The following KIT variants were observed in gnomAD, a reference collection of about 807,000 sequenced individuals.
KIT encodes the protein KIT proto-oncogene, receptor tyrosine kinase.
Under a neutral mutation model 105.7 loss-of-function variants are expected in KIT, and 16 were observed. The ratio of observed to expected loss-of-function variants is 0.15; its 90% CI spans 0.10 to 0.23. The LOEUF (loss-of-function observed/expected upper bound fraction) is 0.23, where lower values mean the gene tolerates loss of function less well. Ranked by LOEUF, KIT falls within the 10% of genes least tolerant of loss-of-function variation. The pLI, the probability that KIT is intolerant of heterozygous loss-of-function variation, is 1.00. For missense variants in KIT, 858 were observed against 1,213.8 expected, an observed-to-expected ratio of 0.71 and a Z score of 4.36; for synonymous variants, 438 against 441.1, an observed-to-expected ratio of 0.99 and a Z score of 0.09.
intron 2 of KIT, among the ~76,000 whole-genome samples, chr4:54,697,731 G>A (rs1296430251): frequency 6.6e-6 from 1 of 152,192 alleles, no homozygotes; most frequent in Admixed American, 6.5e-5. Context: ...CCTGGTGAGA[G>A]TTTTCTGGAT....
intron 7 of KIT, among the ~76,000 whole-genome samples, chr4:54,719,988 C>T (rs1424256135): frequency 6.6e-6 from 1 of 152,072 alleles, no homozygotes; most frequent in African/African-American, 2.4e-5. Flanking sequence ...GCAAGAAAGG[C>T]ACCTAGAGTG....
At chr4:54,665,116 C>T (rs964142992) in intron 1 of KIT, among the ~76,000 whole-genome samples, 1 of 152,096 alleles carries the variant, frequency 6.6e-6, no homozygotes, top group Non-Finnish European at 1.5e-5. Context: ...CCAGGTAACT[C>T]GCAAATGCAG....
chr4:54,699,643 G>T lies in KIT; in HGVS notation c.633G>T (p.Val211=). 1.2e-6 allele frequency: 2 copies of T among 1,613,972 alleles called. No individual in the cohort carries two copies. Among genetic ancestry groups the T allele is most frequent in the Non-Finnish European group, 1.7e-6 (2 of 1,179,898 alleles). ...ILKVRPAFKA[V]PVVSVSKASY... is the part of the protein sequence containing the mutation. Reference sequence around the variant, plus strand: ...TTTTCATTCTAGCCTTCAAAGCTGTGCCTGTTGTGTCTGTGTCCAAAGCAA... The same window carrying T: ...TTTTCATTCTAGCCTTCAAAGCTGTTCCTGTTGTGTCTGTGTCCAAAGCAA... Residue 211 remains valine (V), a synonymous_variant, in exon 4 of 21, where the codon GTG becomes GTT. Coordinates refer to ENST00000288135, the MANE Select transcript of KIT (RefSeq NM_000222.3).
At chr4:54,716,069 G>A (rs563807722) in intron 7 of KIT, among the ~76,000 whole-genome samples, 165 of 152,190 alleles carry the variant, frequency 1.1e-3, no homozygotes, top group Admixed American at 2.7e-3. Flanking sequence ...ACACATGCGC[G>A]TCCAAACCAT....
At chr4:54,711,959 T>C (rs1420438770) in intron 7 of KIT, among the ~76,000 whole-genome samples, 1 of 151,208 alleles carries the variant, frequency 6.6e-6, no homozygotes, top group African/African-American at 2.4e-5. Context: ...TAATAGTATA[T>C]AGAGCTTAGT....
At chr4:54,718,518 A>C (rs1476376661) in intron 7 of KIT, among the ~76,000 whole-genome samples, 1 of 152,218 alleles carries the variant, frequency 6.6e-6, no homozygotes, top group Non-Finnish European at 1.5e-5. Flanking sequence ...TTTTATTGAA[A>C]ACAGCCATGC....
At chr4:54,732,549 T>C (rs1216625389) in intron 16 of KIT, among the ~76,000 whole-genome samples, 2 of 152,054 alleles carry the variant, frequency 1.3e-5, no homozygotes, top group Non-Finnish European at 2.9e-5. Context: ...AGGAGTTCCT[T>C]AGGAAGTAAG....
rs146228840 is a variant in KIT, at chr4:54,694,443, C to T, written c.68-1069C>T. 5.3e-5 allele frequency among the ~76,000 whole-genome samples: 8 copies of T among 152,280 alleles called. No individual in the cohort carries two copies. In the East Asian group the frequency reaches 1.5e-3, roughly 29 times the overall value. On this transcript the variant is annotated intron_variant, in intron 1 of 20. Coordinates refer to ENST00000288135, the MANE Select transcript of KIT (RefSeq NM_000222.3). ...CACAGTTTGCTGCAGCCTCAACCTC[C>T]TGGGCTTAAGTGATCTCCCACCTCA...
chr4:54,664,627 G>T (rs1188341771), intron 1 of KIT, among the ~76,000 whole-genome samples: 1 of 141,042 alleles, frequency 7.1e-6, no homozygotes, highest in African/African-American at 2.7e-5. Context: ...ATTTATTTAT[G>T]AGACAGGGTC....
intron 4 of KIT, among the ~76,000 whole-genome samples, chr4:54,703,055 C>T (rs1039249233): frequency 4.6e-5 from 7 of 152,138 alleles, no homozygotes; most frequent in Non-Finnish European, 1.0e-4. Context: ...AGAAATCTCT[C>T]CATGTCTTGT....
chr4:54,702,581 C>G (rs971374462), intron 4 of KIT, among the ~76,000 whole-genome samples: 1 of 152,030 alleles, frequency 6.6e-6, no homozygotes, highest in Non-Finnish European at 1.5e-5. Context: ...TTTTAAGGTA[C>G]ATTCAATTTG....
At chr4:54,716,313 T>C (rs977898592) in intron 7 of KIT, among the ~76,000 whole-genome samples, 9 of 152,240 alleles carry the variant, frequency 5.9e-5, no homozygotes, top group African/African-American at 1.7e-4. Flanking sequence ...CATAGCTTCG[T>C]TTGTGTGAAC....
At chr4:54,732,636 G>T (rs1722680748) in intron 16 of KIT, among the ~76,000 whole-genome samples, 1 of 152,104 alleles carries the variant, frequency 6.6e-6, no homozygotes, top group Admixed American at 6.6e-5. Context: ...ACCAAACTAA[G>T]AAAGGATATA....
At chr4:54,676,953 A>G (rs1347377323) in intron 1 of KIT, among the ~76,000 whole-genome samples, 1 of 152,138 alleles carries the variant, frequency 6.6e-6, no homozygotes, top group Non-Finnish European at 1.5e-5. Context: ...CTCCCAGGGT[A>G]GGTCAGATCA....
At chr4:54,665,385 C>T (rs1157018443) in intron 1 of KIT, among the ~76,000 whole-genome samples, 1 of 152,170 alleles carries the variant, frequency 6.6e-6, no homozygotes, top group African/African-American at 2.4e-5. Context: ...GAGGGTTAAA[C>T]TCATGGCTGC....
chr4:54,677,461 G>A (rs1263806411), intron 1 of KIT, among the ~76,000 whole-genome samples: 2 of 152,174 alleles, frequency 1.3e-5, no homozygotes, highest in African/African-American at 4.8e-5. Flanking sequence ...CTTTGCTTTT[G>A]CAGACATTCA....
intron 2 of KIT, among the ~76,000 whole-genome samples, chr4:54,696,728 C>T (rs1483855577): frequency 6.6e-6 from 1 of 152,232 alleles, no homozygotes; most frequent in Admixed American, 6.5e-5. Flanking sequence ...TAACATGCTC[C>T]ATCAGGAGCG....
chr4:54,676,225 C>A (rs1229753960), intron 1 of KIT, among the ~76,000 whole-genome samples: 1 of 152,088 alleles, frequency 6.6e-6, no homozygotes, highest in Non-Finnish European at 1.5e-5. Context: ...GTTAGAAATG[C>A]AAACTCTCCG....
intron 7 of KIT, 139 bp downstream of exon 7, chr4:54,709,678 G>T: frequency 1.4e-6 from 1 of 705,752 alleles, no homozygotes; most frequent in Non-Finnish European, 2.6e-6. Flanking sequence ...GAGACTTCGT[G>T]GTTTGGTGGT....
Sources: gnomAD v4.1 joint callset for allele counts (sites outside exome capture counted in the v4.1 genomes callset) on GRCh38, gnomAD v4.1.1 for gene constraint, MANE v1.5 for transcripts, NCBI Gene and HGNC (gene_info 2026-07-23, HGNC 2026-07-21) for gene names.